Variants in GAS2 observed in about 807,000 individuals in gnomAD.
The protein encoded by GAS2 is growth arrest specific 2.
Under a neutral mutation model 37.5 loss-of-function variants are expected in GAS2, and 20 were observed. That is an observed-to-expected ratio of 0.53 (90% CI 0.37 to 0.77). GAS2 has a LOEUF of 0.77. Ranked by LOEUF, GAS2 falls within the 30% of genes least tolerant of loss-of-function variation. GAS2 has a pLI of 0.00. For synonymous variants in GAS2, 144 were observed against 132.2 expected (o/e 1.09, Z -0.61); for missense variants, 336 against 373.4 (o/e 0.90, Z 0.82).
chr11:22,765,895 G>A (rs1269519253), intron 7 of GAS2, among the ~76,000 whole-genome samples: 2 of 152,194 alleles, frequency 1.3e-5, no homozygotes, highest in African/African-American at 4.8e-5. Flanking sequence ...GAGGCCTCAG[G>A]AAGTTTCTAT....
At chr11:22,755,534 C>T (rs564174702) in intron 6 of GAS2, 2 of 190,654 alleles carry the variant, frequency 1.0e-5, no homozygotes, top group South Asian at 1.4e-4. Flanking sequence ...CTTTTTAGTC[C>T]TCCAAAAGTA....
chr11:22,769,224 A>G (rs1175952538), intron 7 of GAS2, among the ~76,000 whole-genome samples: 1 of 152,210 alleles, frequency 6.6e-6, no homozygotes, highest in Admixed American at 6.5e-5. Flanking sequence ...TGATATTTAC[A>G]AAACACCTTA....
chr11:22,804,412 T>C (rs1333143421), intron 7 of GAS2, among the ~76,000 whole-genome samples: 1 of 152,100 alleles, frequency 6.6e-6, no homozygotes, highest in African/African-American at 2.4e-5. Context: ...TTGACAAAGT[T>C]ATCATGAAAA....
At chr11:22,701,623 G>T (rs1164723401) in intron 3 of GAS2, among the ~76,000 whole-genome samples, 5 of 152,162 alleles carry the variant, frequency 3.3e-5, no homozygotes, top group African/African-American at 1.2e-4. Context: ...GAGTTCAGGA[G>T]TTCAAGACCA....
chr11:22,638,627 T>G (rs1415221501), intron 1 of GAS2, among the ~76,000 whole-genome samples: 2 of 152,164 alleles, frequency 1.3e-5, no homozygotes, highest in African/African-American at 4.8e-5. Flanking sequence ...ATTACAGGCA[T>G]GAGCCGTTGC....
intron 2 of GAS2, among the ~76,000 whole-genome samples, chr11:22,681,418 A>G (rs1849679232): frequency 6.6e-6 from 1 of 152,194 alleles, no homozygotes; most frequent in Non-Finnish European, 1.5e-5. Context: ...TGACTAAATT[A>G]ATCATGCGAA....
At chr11:22,692,089 A>G (rs1166844024) in intron 3 of GAS2, among the ~76,000 whole-genome samples, 1 of 152,180 alleles carries the variant, frequency 6.6e-6, no homozygotes, top group Non-Finnish European at 1.5e-5. Context: ...TGGTATGTAA[A>G]GGAGCTTGAC....
chr11:22,752,749 T>C (rs1227366058), intron 6 of GAS2, among the ~76,000 whole-genome samples: 1 of 151,978 alleles, frequency 6.6e-6, no homozygotes, highest in Non-Finnish European at 1.5e-5. Flanking sequence ...TGTGTTAAGA[T>C]ATTATAGTCC....
chr11:22,685,651 T>G lies in GAS2; in HGVS notation c.146-17T>G, dbSNP rs1849903607. 1 of 1,607,782 alleles carries G rather than the reference T, an allele frequency of 6.2e-7. No homozygotes were observed. The highest frequency in any genetic ancestry group is 8.5e-7 in the Non-Finnish European group (1 of 1,177,484). On this transcript the variant is annotated splice_polypyrimidine_tract_variant and intron_variant, in intron 2 of 7. Transcript: ENST00000454584. Reference sequence around the variant, plus strand: ...CATTTGATTTTCCTTTTATAATGCTTCTTTTTGTTATTTCAGGGAAGGAGA... The same window carrying G: ...CATTTGATTTTCCTTTTATAATGCTGCTTTTTGTTATTTCAGGGAAGGAGA...
At chr11:22,689,983 A>T (rs1404025257) in intron 3 of GAS2, among the ~76,000 whole-genome samples, 3 of 152,240 alleles carry the variant, frequency 2.0e-5, no homozygotes, top group African/African-American at 7.2e-5. Context: ...AATTACTTTT[A>T]AAAAATTGAC....
chr11:22,650,847 A>C (rs1161109339), intron 1 of GAS2, among the ~76,000 whole-genome samples: 1 of 151,760 alleles, frequency 6.6e-6, no homozygotes, highest in Admixed American at 6.6e-5. Context: ...AATACAGCAC[A>C]CTGATGGATC....
rs2133802288 is a variant in GAS2, at chr11:22,628,849, T to C, written c.-21+3036T>C. On this transcript the variant is annotated intron_variant, in intron 1 of 5. Coordinates refer to the GAS2 transcript ENST00000528582. ...CACTCTGTCTGCCTTTGCATACCCA[T>C]AGCTTAGCTCCCACTTCCAAGTGAG... is the stretch of plus-strand genomic sequence containing the variant. Among the ~76,000 whole-genome samples the C allele has an allele frequency of 1.3e-5, 2 of 152,308 alleles. 1 individual carries two copies. The highest frequency in any genetic ancestry group is 4.1e-4 in the South Asian group (2 of 4,826).
At chr11:22,654,524 A>C (rs7102520) in intron 1 of GAS2, among the ~76,000 whole-genome samples, 2,044 of 151,802 alleles carry the variant, frequency 0.013, 40 homozygotes, top group East Asian at 0.077. Flanking sequence ...GCCTCCTGAG[A>C]GTTTGGGACT....
At chr11:22,699,550 T>C (rs1421427767) in intron 3 of GAS2, among the ~76,000 whole-genome samples, 1 of 152,154 alleles carries the variant, frequency 6.6e-6, no homozygotes, top group Non-Finnish European at 1.5e-5. Context: ...AGATACACAG[T>C]CATTTCACAG....
chr11:22,796,121 G>T (rs1439762269), intron 7 of GAS2, among the ~76,000 whole-genome samples: 1 of 152,094 alleles, frequency 6.6e-6, no homozygotes, highest in Non-Finnish European at 1.5e-5. Flanking sequence ...TTCTGTTTCT[G>T]CAGAGATAAA....
At chr11:22,673,606 A>G (rs959879135) in intron 1 of GAS2, among the ~76,000 whole-genome samples, 1 of 152,162 alleles carries the variant, frequency 6.6e-6, no homozygotes, top group African/African-American at 2.4e-5. Flanking sequence ...AATAATGCAT[A>G]CAAAAGTGCT....
At chr11:22,670,500 A>G (rs1342429287) in intron 1 of GAS2, among the ~76,000 whole-genome samples, 1 of 152,122 alleles carries the variant, frequency 6.6e-6, no homozygotes, top group Non-Finnish European at 1.5e-5. Context: ...TCTTTTCTTA[A>G]TTATTTAGAG....
At chr11:22,636,698 C>A (rs1044027299) in intron 1 of GAS2, among the ~76,000 whole-genome samples, 51 of 151,868 alleles carry the variant, frequency 3.4e-4, no homozygotes, top group Non-Finnish European at 6.8e-4. Flanking sequence ...ACTTTTATGA[C>A]TTTCTTACTT....
intron 7 of GAS2, among the ~76,000 whole-genome samples, chr11:22,770,184 G>A (rs2134421663): frequency 6.6e-6 from 1 of 152,250 alleles, no homozygotes; most frequent in East Asian, 1.9e-4. Context: ...CATCAGAACA[G>A]ATAGCTAATG....
Sources: gnomAD v4.1 joint callset for allele counts (sites outside exome capture counted in the v4.1 genomes callset) on GRCh38, gnomAD v4.1.1 for gene constraint, MANE v1.5 for transcripts, NCBI Gene and HGNC (gene_info 2026-07-23, HGNC 2026-07-21) for gene names.